RHCE: variants seen among roughly 807,000 people sequenced by gnomAD.
RHCE encodes the protein blood group Rh(CE) polypeptide.
A neutral mutation model predicts 43.8 loss-of-function variants in RHCE; 22 were observed. The observed-to-expected ratio is 0.50, with a 90% CI of 0.36 to 0.72. The LOEUF is 0.72. RHCE is among the 30% of genes least tolerant of loss of function. The pLI, the probability that RHCE is intolerant of heterozygous loss-of-function variation, is 0.00. For missense variants in RHCE, 385 were observed against 525.4 expected, an observed-to-expected ratio of 0.73 and a Z score of 2.61; for synonymous variants, 156 against 210.7, an observed-to-expected ratio of 0.74 and a Z score of 2.25.
chr1:25,391,081 C>A (rs1285513596), intron 4 of RHCE, among the ~76,000 whole-genome samples, 166 bp from the exon 5 acceptor site: 24 of 152,152 alleles, frequency 1.6e-4, no homozygotes, highest in Non-Finnish European at 3.1e-4. Context: ...CTGATACCAG[C>A]TAACCACATT....
chr1:25,394,566 A>G (rs1031038040), intron 3 of RHCE, among the ~76,000 whole-genome samples: 3 of 152,032 alleles, frequency 2.0e-5, no homozygotes, highest in African/African-American at 7.3e-5. Context: ...CTAACATGCT[A>G]TATCTTTTGC....
At chr1:25,373,237 CG>C (rs1557599022) in intron 8 of RHCE, among the ~76,000 whole-genome samples, 1 of 151,544 alleles carries the variant, frequency 6.6e-6, no homozygotes, top group Non-Finnish European at 1.5e-5. Context: ...AAAAGACCCC[CG>C]GGTACTTTGC....
intron 1 of RHCE, among the ~76,000 whole-genome samples, chr1:25,429,360 T>C (rs2042831844): frequency 6.6e-6 from 1 of 151,882 alleles, no homozygotes; most frequent in Non-Finnish European, 1.5e-5. Context: ...CACCATGTTA[T>C]CCAGGATGGT....
chr1:25,402,621 C>G lies in RHCE; in HGVS notation c.461G>C (p.Arg154Thr). ...LVEVTALGTL[R>T]MVISNIFNTD... ...GTTGAAGATATTACTGATGACCATC[C>G]TCAGGGTGCCTAAAGCTGTCACCTC... The change falls in exon 3 of 10, where the codon AGG becomes ACG. Residue 154 changes from arginine to threonine, a missense_variant. Transcript: ENST00000294413. The G allele has an allele frequency of 1.2e-6, 2 of 1,613,966 alleles. No individual in the cohort carries two copies. Among genetic ancestry groups the G allele is most frequent in the East Asian group, 4.5e-5 (2 of 44,894 alleles).
At chr1:25,429,129 G>A (rs1404655823) in intron 1 of RHCE, 1 of 152,122 alleles carries the variant, frequency 6.6e-6, no homozygotes, top group African/African-American at 2.4e-5. Context: ...TTTCTCCCTG[G>A]GGTAGATGTT....
Position 25,410,989 on chromosome 1 carries a change from G to A in RHCE, c.149-2120C>T, listed in dbSNP as rs1039768684. ...CACCTGTAATCCCAGCTACTCGGGA[G>A]GCTGAGGCAGGAGAATCGCTTGAAC... On this transcript the variant is annotated intron_variant, in intron 1 of 9. Transcript: ENST00000294413. 2.0e-4 allele frequency among the ~76,000 whole-genome samples: 31 copies of A among 152,056 alleles called. 1 individual carries two copies. The highest frequency in any genetic ancestry group is 2.9e-5 in the Non-Finnish European group (2 of 68,026).
intron 3 of RHCE, among the ~76,000 whole-genome samples, chr1:25,395,915 C>T (rs1646520668): frequency 6.6e-6 from 1 of 150,950 alleles, no homozygotes; most frequent in Non-Finnish European, 1.5e-5. Context: ...AACAGGATTT[C>T]TATAGGAAAT....
intron 3 of RHCE, among the ~76,000 whole-genome samples, chr1:25,396,722 T>C (rs1369140197): frequency 2.6e-5 from 4 of 152,188 alleles, no homozygotes; most frequent in African/African-American, 9.7e-5. Context: ...AAACCACCCC[T>C]GTGATCCCAT....
intron 1 of RHCE, among the ~76,000 whole-genome samples, chr1:25,429,468 T>C (rs556607203): frequency 6.6e-6 from 1 of 152,258 alleles, no homozygotes; most frequent in African/African-American, 2.4e-5. Flanking sequence ...TGGGAAGTTT[T>C]AAAAATGCAC....
intron 5 of RHCE, 109 bp from the exon 6 acceptor site, chr1:25,389,222 G>A: frequency 6.7e-7 from 1 of 1,483,862 alleles, no homozygotes; most frequent in Non-Finnish European, 9.3e-7. Flanking sequence ...CATCCTCCCT[G>A]CTTTGCTGAT....
At chr1:25,424,731 G>T (rs1214521237), upstream of RHCE, among the ~76,000 whole-genome samples, 4 of 152,048 alleles carry the variant, frequency 2.6e-5, no homozygotes, top group East Asian at 5.8e-4. Context: ...TCCCCTTTCT[G>T]CTCCCCTTGA....
chr1:25,389,927 A>G (rs2375323), intron 5 of RHCE, among the ~76,000 whole-genome samples: 8 of 152,008 alleles, frequency 5.3e-5, no homozygotes, highest in Non-Finnish European at 1.0e-4. Context: ...CTGCCTTGCT[A>G]GGTGTCTTAG....
intron 2 of RHCE, among the ~76,000 whole-genome samples, chr1:25,405,272 C>T (rs1323161313): frequency 6.6e-6 from 1 of 152,172 alleles, no homozygotes; most frequent in East Asian, 1.9e-4. Flanking sequence ...GCAGGAGGAT[C>T]ACCTGAACCC....
At chr1:25,410,322 A>G (rs964341511) in intron 1 of RHCE, among the ~76,000 whole-genome samples, 9 of 152,312 alleles carry the variant, frequency 5.9e-5, no homozygotes, top group South Asian at 2.1e-4. Context: ...GACTGGAGAG[A>G]GAGAAATCTT....
intron 1 of RHCE, among the ~76,000 whole-genome samples, chr1:25,417,142 CA>C (rs1034440282): frequency 3.0e-4 from 27 of 89,202 alleles, no homozygotes; most frequent in African/African-American, 2.3e-3. Context: ...CCTTAAAAAA[CA>C]AAAACAAAAA....
At chr1:25,385,916 C>T (rs1646142380) in intron 6 of RHCE, 72 bp from the exon 7 acceptor site, 2 of 1,611,584 alleles carry the variant, frequency 1.2e-6, no homozygotes, top group Non-Finnish European at 1.7e-6. Flanking sequence ...TTTCACACAC[C>T]CTTGGTATCC....
Position 25,408,667 on chromosome 1 carries a change from G to A in RHCE, c.335+16C>T, listed in dbSNP as rs1478093815. ...CCCTCTATGACCCAGAAGTGATCCAGCCACCATCCCAATACCTGAACAGTG... is the reference window on the plus strand; with the variant it reads ...CCCTCTATGACCCAGAAGTGATCCAACCACCATCCCAATACCTGAACAGTG... On this transcript the variant is annotated intron_variant, in intron 2 of 9. Coordinates refer to ENST00000294413, the MANE Select transcript of RHCE (RefSeq NM_020485.8). 5 of 1,277,742 alleles carry A rather than the reference G, an allele frequency of 3.9e-6. No individual in the cohort carries two copies. In the African/African-American group the frequency reaches 6.9e-5, roughly 18 times the overall value. 79.2% of individuals were successfully genotyped at this position (1,277,742 alleles called of 1,614,324 possible).
intron 7 of RHCE, 126 bp downstream of exon 7, chr1:25,385,585 A>G (rs1242565393): frequency 2.2e-6 from 3 of 1,379,924 alleles, no homozygotes; most frequent in East Asian, 2.3e-5. Context: ...CAGCCAACAA[A>G]TATTCACCGA....
At chr1:25,394,375 G>A (rs985738678) in intron 3 of RHCE, among the ~76,000 whole-genome samples, 1 of 151,776 alleles carries the variant, frequency 6.6e-6, no homozygotes, top group South Asian at 2.1e-4. Context: ...TTGTTCTGCC[G>A]CTGTTCTCAG....
Sources: gnomAD v4.1 joint callset for allele counts (sites outside exome capture counted in the v4.1 genomes callset) on GRCh38, gnomAD v4.1.1 for gene constraint, MANE v1.5 for transcripts, NCBI Gene and HGNC (gene_info 2026-07-23, HGNC 2026-07-21) for gene names.